The following GRM7 variants were observed in gnomAD, a reference collection of about 807,000 sequenced individuals.
GRM7 encodes metabotropic glutamate receptor 7.
GRM7 carries 35 observed loss-of-function variants against 84.5 expected under a neutral mutation model. The observed-to-expected ratio is 0.41, with a 90% CI of 0.32 to 0.55. GRM7 has a LOEUF of 0.55. GRM7 is among the 20% of genes least tolerant of loss of function. GRM7 has a pLI of 0.19. For missense variants in GRM7, 1,003 were observed against 1,194.6 expected (o/e 0.84, Z 2.36); for synonymous variants, 487 against 455.1 (o/e 1.07, Z -0.89).
chr3:7,302,338 A>G (rs911239498), intron 3 of GRM7, among the ~76,000 whole-genome samples: 1 of 152,180 alleles, frequency 6.6e-6, no homozygotes, highest in Non-Finnish European at 1.5e-5. Flanking sequence ...ATCTTTTACA[A>G]TTCATATTAT....
chr3:7,323,323 T>A (rs1700858014), intron 4 of GRM7, among the ~76,000 whole-genome samples: 1 of 152,066 alleles, frequency 6.6e-6, no homozygotes, highest in Non-Finnish European at 1.5e-5. Context: ...CTTTGAAAGG[T>A]TAGTCTTGAC....
intron 9 of GRM7, chr3:7,680,573 A>G: frequency 2.4e-6 from 1 of 417,052 alleles, no homozygotes; most frequent in Non-Finnish European, 4.4e-6. Flanking sequence ...TGAATCCTCC[A>G]ACTGACAAAT....
intron 1 of GRM7, among the ~76,000 whole-genome samples, chr3:7,085,612 C>T (rs1198903987): frequency 2.0e-5 from 3 of 152,022 alleles, no homozygotes; most frequent in Admixed American, 6.6e-5. Context: ...TCTTCAAAAG[C>T]GAGCAAAGAT....
intron 4 of GRM7, among the ~76,000 whole-genome samples, chr3:7,316,169 G>T (rs1700575057): frequency 6.6e-6 from 1 of 152,132 alleles, no homozygotes; most frequent in African/African-American, 2.4e-5. Flanking sequence ...TGGTGAGCCG[G>T]AGCACAGTGA....
intron 7 of GRM7, among the ~76,000 whole-genome samples, chr3:7,509,311 T>C (rs938679519): frequency 8.5e-5 from 13 of 152,192 alleles, no homozygotes; most frequent in African/African-American, 3.1e-4. Flanking sequence ...GTTATTAATC[T>C]CTGCACCTAA....
chr3:7,452,469 C>A, intron 5 of GRM7, 138 bp from the exon 6 acceptor site: 1 of 657,074 alleles, frequency 1.5e-6, no homozygotes, highest in Non-Finnish European at 2.7e-6. Flanking sequence ...GCAAATGTGG[C>A]TTGAATTACT....
At chr3:7,375,455 T>C (rs1694310656) in intron 4 of GRM7, among the ~76,000 whole-genome samples, 2 of 152,148 alleles carry the variant, frequency 1.3e-5, no homozygotes, top group Middle Eastern at 3.4e-3. Context: ...CCTGACCTTG[T>C]GATCCACCCA....
intron 1 of GRM7, among the ~76,000 whole-genome samples, chr3:6,909,352 C>T (rs1468766591): frequency 6.6e-6 from 1 of 151,996 alleles, no homozygotes; most frequent in African/African-American, 2.4e-5. Flanking sequence ...GCCTTCTATC[C>T]CTCACGTGTA....
chr3:6,963,209 A>G (rs531468747), intron 1 of GRM7, among the ~76,000 whole-genome samples: 1 of 152,344 alleles, frequency 6.6e-6, no homozygotes, highest in South Asian at 2.1e-4. Context: ...CCAGGAGAGA[A>G]GTAAATTATT....
intron 2 of GRM7, among the ~76,000 whole-genome samples, chr3:7,271,285 C>T (rs573689714): frequency 2.0e-5 from 3 of 152,086 alleles, no homozygotes; most frequent in South Asian, 2.1e-4. Context: ...CTCGGCCGGG[C>T]GCAGTGGCTA....
intron 1 of GRM7, among the ~76,000 whole-genome samples, chr3:7,069,347 G>A (rs1217491251): frequency 6.6e-6 from 1 of 151,968 alleles, no homozygotes; most frequent in Non-Finnish European, 1.5e-5. Flanking sequence ...GAAAATCACA[G>A]CTACTGCCAA....
intron 7 of GRM7, among the ~76,000 whole-genome samples, chr3:7,570,868 A>G (rs1694620002): frequency 6.6e-6 from 1 of 152,204 alleles, no homozygotes; most frequent in Non-Finnish European, 1.5e-5. Context: ...AGGAGTTTCC[A>G]TACATCCTCT....
At chr3:7,293,931 T>G (rs774944740) in intron 2 of GRM7, among the ~76,000 whole-genome samples, 2 of 152,234 alleles carry the variant, frequency 1.3e-5, no homozygotes, top group Non-Finnish European at 2.9e-5. Flanking sequence ...ATTCAAGCCT[T>G]CCAAGAACTG....
rs1702656294 is a variant in GRM7 at position 7,740,532 on chromosome 3, A to G, written c.*126A>G. 3.7e-6 allele frequency: 2 copies of G among 546,202 alleles called. No individual in the cohort carries two copies. Among genetic ancestry groups the G allele is most frequent in the African/African-American group, 2.0e-5 (1 of 50,388 alleles). The allele number at this position is 546,202 out of a possible 1,614,324, so 33.8% of individuals were successfully genotyped here. On this transcript the variant is annotated 3_prime_UTR_variant, in exon 10 of 10. Transcript: ENST00000357716. ...GAGGAGCTTCCCCGGCCGGGAGACC[A>G]GTGTTAGAGGATCCAAGCGACCTAA... is the stretch of plus-strand genomic sequence containing the variant.
intron 4 of GRM7, among the ~76,000 whole-genome samples, chr3:7,364,916 C>G (rs1693815293): frequency 6.6e-6 from 1 of 151,878 alleles, no homozygotes; most frequent in Non-Finnish European, 1.5e-5. Context: ...GCATCCTACT[C>G]ACTTACCTGG....
intron 2 of GRM7, among the ~76,000 whole-genome samples, chr3:7,273,226 A>G (rs1159186219): frequency 5.7e-3 from 1 of 174 alleles, no homozygotes; most frequent in Non-Finnish European, 0.012. Flanking sequence ...ACATTGTATG[A>G]TTTCTAATTT....
At chr3:7,049,162 G>A (rs914904669) in intron 1 of GRM7, among the ~76,000 whole-genome samples, 1 of 151,954 alleles carries the variant, frequency 6.6e-6, no homozygotes, top group Admixed American at 6.6e-5. Context: ...TGCTCTCATT[G>A]AAATAAATGT....
intron 7 of GRM7, among the ~76,000 whole-genome samples, chr3:7,538,710 A>G (rs1692701300): frequency 6.6e-6 from 1 of 152,166 alleles, no homozygotes; most frequent in Non-Finnish European, 1.5e-5. Flanking sequence ...ACCAAAAAAA[A>G]ATGATAAAAA....
At chr3:6,870,920 T>C (rs1168916367) in intron 1 of GRM7, among the ~76,000 whole-genome samples, 1 of 152,158 alleles carries the variant, frequency 6.6e-6, no homozygotes, top group Non-Finnish European at 1.5e-5. Flanking sequence ...CAGAAGTCTG[T>C]AGGTCCGAAG....
Sources: gnomAD v4.1 joint callset for allele counts (sites outside exome capture counted in the v4.1 genomes callset) on GRCh38, gnomAD v4.1.1 for gene constraint, MANE v1.5 for transcripts, NCBI Gene and HGNC (gene_info 2026-07-23, HGNC 2026-07-21) for gene names.